Variants in SORCS3 observed in about 807,000 individuals in gnomAD.
The protein encoded by SORCS3 is sortilin related VPS10 domain containing receptor 3, also known as VPS10 domain-containing receptor SorCS3.
In SORCS3, 57 loss-of-function variants were observed where a neutral mutation model predicts 146.3. The ratio of observed to expected loss-of-function variants is 0.39; its 90% CI spans 0.31 to 0.49. SORCS3 has a LOEUF of 0.49. Among genes scored for constraint, SORCS3 ranks in the 20% least tolerant of loss-of-function variants. SORCS3 has a pLI of 0.92. For missense variants in SORCS3, 1,341 were observed against 1,575.5 expected (o/e 0.85, Z 2.52); for synonymous variants, 653 against 618.5 (o/e 1.06, Z -0.83).
intron 1 of SORCS3, among the ~76,000 whole-genome samples, chr10:104,837,039 T>C (rs2018077759): frequency 6.6e-6 from 1 of 152,308 alleles, no homozygotes; most frequent in Admixed American, 6.5e-5. Flanking sequence ...TCAAATCTTA[T>C]AGCACATTTT....
intron 5 of SORCS3, among the ~76,000 whole-genome samples, chr10:105,085,228 A>G (rs1253525663): frequency 6.6e-6 from 1 of 152,254 alleles, no homozygotes; most frequent in Non-Finnish European, 1.5e-5. Flanking sequence ...CAAAATGTCA[A>G]CAGTGCCAAC....
chr10:104,825,843 G>A (rs932546830), intron 1 of SORCS3, among the ~76,000 whole-genome samples: 4 of 151,958 alleles, frequency 2.6e-5, no homozygotes, highest in African/African-American at 9.7e-5. Context: ...ATTTTTAATG[G>A]CTCGTTACAC....
At chr10:105,117,399 G>A (rs1268132920) in intron 7 of SORCS3, among the ~76,000 whole-genome samples, 1 of 152,156 alleles carries the variant, frequency 6.6e-6, no homozygotes, top group Non-Finnish European at 1.5e-5. Flanking sequence ...TGTAGGTAGA[G>A]TGAACTATTT....
intron 5 of SORCS3, among the ~76,000 whole-genome samples, chr10:105,075,660 G>A (rs1448915495): frequency 1.3e-5 from 2 of 152,164 alleles, no homozygotes; most frequent in Non-Finnish European, 2.9e-5. Context: ...GCGAGAAGGG[G>A]TGGAGCAGAA....
At position 105,151,941 on chromosome 10, in the gene SORCS3, G is replaced by A. The variant is rs192782761; in HGVS notation, c.1482+4145G>A. Among the ~76,000 whole-genome samples, 23 of 152,180 alleles carry A rather than the reference G, an allele frequency of 1.5e-4. No homozygotes were observed. The East Asian group carries it at 4.1e-3, about 27-fold the overall frequency. Reference sequence around the variant, plus strand: ...GTCAAGCCGACTCCTTCAAAACAAGGCTGGTATTGACAGCGAATGTAGCCT... The same window carrying A: ...GTCAAGCCGACTCCTTCAAAACAAGACTGGTATTGACAGCGAATGTAGCCT... On this transcript the variant is annotated intron_variant, in intron 9 of 26. Coordinates refer to ENST00000369701, the MANE Select transcript of SORCS3 (RefSeq NM_014978.3).
intron 1 of SORCS3, among the ~76,000 whole-genome samples, chr10:104,763,178 A>G (rs374082710): frequency 3.3e-5 from 5 of 152,296 alleles, no homozygotes; most frequent in African/African-American, 1.2e-4. Context: ...GGGAGATTAG[A>G]CCAGTATTCT....
chr10:105,246,071 C>T (rs1180599290), intron 21 of SORCS3, among the ~76,000 whole-genome samples: 1 of 152,156 alleles, frequency 6.6e-6, no homozygotes, highest in Non-Finnish European at 1.5e-5. Context: ...ATGAGATGAT[C>T]TCTATTCACA....
chr10:104,880,338 C>T (rs939999160), intron 2 of SORCS3, among the ~76,000 whole-genome samples: 3 of 152,194 alleles, frequency 2.0e-5, no homozygotes, highest in African/African-American at 4.8e-5. Context: ...CTCAGTCTTT[C>T]CATTCCTTGA....
chr10:104,696,968 G>C (rs1475346528), intron 1 of SORCS3, among the ~76,000 whole-genome samples: 2 of 150,102 alleles, frequency 1.3e-5, no homozygotes, highest in African/African-American at 4.9e-5. Context: ...GGGACTGGCG[G>C]GTGGAGGATA....
chr10:105,234,906 T>C (rs555032964), intron 20 of SORCS3, among the ~76,000 whole-genome samples: 277 of 152,238 alleles, frequency 1.8e-3, no homozygotes, highest in African/African-American at 6.3e-3. Context: ...CCCTTTAGTA[T>C]GCCTTGTAAT....
chr10:104,914,305 G>C (rs142238925), intron 2 of SORCS3, among the ~76,000 whole-genome samples: 17 of 152,334 alleles, frequency 1.1e-4, no homozygotes, highest in African/African-American at 4.1e-4. Context: ...TGAAGAGTTA[G>C]AGAAGAGGCA....
At chr10:105,250,980 A>T (rs2056894658) in intron 22 of SORCS3, among the ~76,000 whole-genome samples, 1 of 152,202 alleles carries the variant, frequency 6.6e-6, no homozygotes, top group African/African-American at 2.4e-5. Context: ...GCTTCTGTTC[A>T]ATCTAGCAAC....
In SORCS3 at chr10:104,898,491, A is replaced by G. The variant is rs12249978; in HGVS notation, c.696-17342A>G. Among the ~76,000 whole-genome samples the G allele has an allele frequency of 7.7e-3, 1,172 of 152,308 alleles. 15 individuals carry two copies. The highest frequency in any genetic ancestry group is 0.027 in the African/African-American group (1,102 of 41,574). ...TTAACTGCTTTTTTATGTGTGAGATAAAATGCTAATTTCAAAACCCTGGAA... is the reference window on the plus strand; with the variant it reads ...TTAACTGCTTTTTTATGTGTGAGATGAAATGCTAATTTCAAAACCCTGGAA... On this transcript the variant is annotated intron_variant, in intron 2 of 26. Coordinates refer to ENST00000369701, the MANE Select transcript of SORCS3 (RefSeq NM_014978.3).
chr10:104,883,567 C>T (rs2018651253), intron 2 of SORCS3, among the ~76,000 whole-genome samples: 2 of 152,300 alleles, frequency 1.3e-5, no homozygotes, highest in East Asian at 1.9e-4. Flanking sequence ...TGGAGAGTCT[C>T]AGCTAAGAAA....
rs1222822749 is a variant in SORCS3, at chr10:104,641,802, C to T, written c.475C>T (p.Pro159Ser). The T allele has an allele frequency of 1.3e-6, 2 of 1,551,338 alleles. No individual in the cohort carries two copies. Among genetic ancestry groups the T allele is most frequent in the Admixed American group, 3.9e-5 (2 of 51,292 alleles). The change falls in exon 1 of 27, where the codon CCC becomes TCC. Residue 159 changes from proline to serine, a missense_variant. Transcript: ENST00000369701. This position sits in a 1 kb window ranked among gnomAD's most constrained non-coding sequence, Gnocchi z 6.4. Reference protein sequence around the residue: ...APADGSRGSRPLAKGSREEVK... With the variant: ...APADGSRGSRSLAKGSREEVK... ...GGCCGATGGTTCCAGAGGAAGCCGT[C>T]CCCTTGCTAAGGGTTCCCGGGAGGA...
At position 104,940,816 on chromosome 10, in the gene SORCS3, G is replaced by C. The variant is rs756584899; in HGVS notation, c.795+24884G>C. Reference sequence around the variant, plus strand: ...TCATGAAAACGGCCATACTGCCCAAGGTAATTTATAGATTCAATGCCATCT... The same window carrying C: ...TCATGAAAACGGCCATACTGCCCAACGTAATTTATAGATTCAATGCCATCT... On this transcript the variant is annotated intron_variant, in intron 3 of 26. Transcript: ENST00000369701. Among the ~76,000 whole-genome samples, 54 of 152,070 alleles carry C rather than the reference G, an allele frequency of 3.6e-4. 1 individual carries two copies. The highest frequency in any genetic ancestry group is 1.2e-3 in the Admixed American group (18 of 15,266).
chr10:104,839,798 A>G (rs1201041994), intron 1 of SORCS3, among the ~76,000 whole-genome samples: 2 of 152,202 alleles, frequency 1.3e-5, no homozygotes, highest in Non-Finnish European at 2.9e-5. Context: ...CTTATCAGGA[A>G]AAATGCCCGT....
chr10:105,024,688 A>G (rs1359117513), intron 4 of SORCS3, among the ~76,000 whole-genome samples: 1 of 152,198 alleles, frequency 6.6e-6, no homozygotes, highest in Non-Finnish European at 1.5e-5. Context: ...TAGTCACTGG[A>G]TTGGAGTTTC....
intron 3 of SORCS3, among the ~76,000 whole-genome samples, chr10:104,922,768 G>A (rs558935313): frequency 6.8e-5 from 9 of 131,798 alleles, no homozygotes; most frequent in African/African-American, 2.8e-4. Flanking sequence ...GCAGCATGTG[G>A]CATATTCAAG....
Sources: allele counts gnomAD v4.1 joint callset (sites outside exome capture counted in the v4.1 genomes callset), GRCh38; gene constraint gnomAD v4.1.1; non-coding constraint Gnocchi (gnomAD v3.1); transcripts MANE v1.5; gene names NCBI Gene and HGNC (gene_info 2026-07-23, HGNC 2026-07-21).